XPO5: variants seen among roughly 807,000 people sequenced by gnomAD.
The protein encoded by XPO5 is exportin 5, also known as exportin-5.
Under a neutral mutation model 160.6 loss-of-function variants are expected in XPO5, and 46 were observed. The ratio of observed to expected loss-of-function variants is 0.29; its 90% CI spans 0.23 to 0.37. The LOEUF is 0.37. XPO5 is among the 10% of genes least tolerant of loss of function. The probability of loss-of-function intolerance (pLI) is 1.00; values close to 1 mark genes in which losing one functional copy is unlikely to be tolerated. For synonymous variants in XPO5, 537 were observed against 519.3 expected (o/e 1.03, Z -0.46); for missense variants, 1,090 against 1,463.9 (o/e 0.74, Z 4.17).
At chr6:43,557,096 C>A (rs1489755563) in intron 12 of XPO5, among the ~76,000 whole-genome samples, 10 of 144,432 alleles carry the variant, frequency 6.9e-5, no homozygotes, top group African/African-American at 2.4e-4. Flanking sequence ...TCATTGCACT[C>A]CAGCCTGGGC....
chr6:43,549,324 A>T (rs1400299564), intron 17 of XPO5, among the ~76,000 whole-genome samples, 165 bp downstream of exon 17: 1 of 152,190 alleles, frequency 6.6e-6, no homozygotes, highest in African/African-American at 2.4e-5. Flanking sequence ...TCAGTCTCCC[A>T]AAGTGTTGGG....
chr6:43,549,978 T>G (rs575150463), intron 15 of XPO5, 44 bp from the exon 16 acceptor site: 2 of 1,594,380 alleles, frequency 1.3e-6, no homozygotes, highest in Non-Finnish European at 1.7e-6. Flanking sequence ...TTATTTGTTT[T>G]AGAGATGAGA....
At position 43,527,256 on chromosome 6, in the gene XPO5, C is replaced by T. The variant is rs188252559; in HGVS notation, c.2920+378G>A. 147 of 203,514 alleles carry T rather than the reference C, an allele frequency of 7.2e-4. 1 individual carries two copies. Among genetic ancestry groups the T allele is most frequent in the Non-Finnish European group, 1.3e-3 (128 of 98,892 alleles). 12.6% of individuals were successfully genotyped at this position (203,514 alleles called of 1,614,324 possible). On this transcript the variant is annotated intron_variant, in intron 26 of 31. Transcript: ENST00000265351. ...TTCTATCTAGTTATTTCTTTTGGATCTGTCAGTGTTGCTACAAACATGAAC... is the reference window on the plus strand; with the variant it reads ...TTCTATCTAGTTATTTCTTTTGGATTTGTCAGTGTTGCTACAAACATGAAC...
chr6:43,572,889 C>G (rs1412276686), intron 2 of XPO5, among the ~76,000 whole-genome samples: 1 of 152,206 alleles, frequency 6.6e-6, no homozygotes, highest in Admixed American at 6.5e-5. Flanking sequence ...TCTAGGTCAA[C>G]TGCAACAATG....
At chr6:43,551,162 GTGA>G in intron 15 of XPO5, 133 bp downstream of exon 15, 1 of 869,790 alleles carries the variant, frequency 1.1e-6, no homozygotes, top group Non-Finnish European at 1.6e-6. Flanking sequence ...AGGGTGAGGT[GTGA>G]GGATCCCTTG....
At chr6:43,524,669 G>A (rs1561861676) in intron 30 of XPO5, 34 bp from the exon 31 acceptor site, 1 of 1,604,272 alleles carries the variant, frequency 6.2e-7, no homozygotes, top group Admixed American at 1.7e-5. Context: ...ACTGGATGTA[G>A]GTTTGGATAT....
At chr6:43,543,170 A>G (rs1196068569) in intron 20 of XPO5, among the ~76,000 whole-genome samples, 1 of 152,208 alleles carries the variant, frequency 6.6e-6, no homozygotes, top group Admixed American at 6.5e-5. Context: ...AAAATGTTAA[A>G]AGTCAGAATA....
intron 1 of XPO5, among the ~76,000 whole-genome samples, chr6:43,574,166 G>A (rs1393397778): frequency 2.0e-5 from 3 of 151,934 alleles, no homozygotes; most frequent in African/African-American, 7.2e-5. Context: ...CGGGCATGGT[G>A]GCAGGTGCCT....
chr6:43,566,046 C>A (rs1762679444), intron 7 of XPO5, among the ~76,000 whole-genome samples: 1 of 152,142 alleles, frequency 6.6e-6, no homozygotes, highest in African/African-American at 2.4e-5. Context: ...CAACTGAGAT[C>A]AGGAGTTCGA....
At position 43,522,504 on chromosome 6, in the gene XPO5, G is replaced by C. The variant is rs1793250853; in HGVS notation, c.*1364C>G. 4.5e-6 allele frequency: 1 copy of C among 222,126 alleles called. No individual in the cohort carries two copies. The highest frequency in any genetic ancestry group is 5.5e-5 in the Admixed American group (1 of 18,326). 13.8% of individuals were successfully genotyped at this position (222,126 alleles called of 1,614,324 possible). A position where few individuals can be genotyped will look rare whatever the true frequency, so the allele number is the denominator to read the frequency against. On this transcript the variant is annotated 3_prime_UTR_variant, in exon 32 of 32. Transcript: ENST00000265351. ...ATCCTCCACAGCCCCAACCAGACAGGAATAGGCAGCTATCAGGTTTGGAGG... is the reference window on the plus strand; with the variant it reads ...ATCCTCCACAGCCCCAACCAGACAGCAATAGGCAGCTATCAGGTTTGGAGG...
chr6:43,555,972 G>A lies in XPO5; in HGVS notation c.1313-8C>T. 1 of 1,613,120 alleles carries A rather than the reference G, an allele frequency of 6.2e-7. No individual in the cohort carries two copies. Among genetic ancestry groups the A allele is most frequent in the Non-Finnish European group, 8.5e-7 (1 of 1,179,580 alleles). On this transcript the variant is annotated splice_polypyrimidine_tract_variant and splice_region_variant and intron_variant, in intron 12 of 31. Transcript: ENST00000265351. ...CTTGTTGTGCTCGGGAGGCTGCCAA[G>A]AGAAAATGCCAAGGGAAGGACAGGA...
chr6:43,530,713 A>T lies in XPO5; in HGVS notation c.2652T>A (p.Pro884=). 1.2e-6 allele frequency: 2 copies of T among 1,614,008 alleles called. No individual in the cohort carries two copies. Among genetic ancestry groups the T allele is most frequent in the Non-Finnish European group, 1.7e-6 (2 of 1,179,886 alleles). Residue 884 remains proline, a synonymous_variant, in exon 23 of 32, where the codon CCT becomes CCA. Coordinates refer to ENST00000265351, the MANE Select transcript of XPO5 (RefSeq NM_020750.3). ...SSAFVNLNNI[P]DYRLRPMLRV... is the part of the protein sequence containing the mutation. ...GAAGCATGGGTCTGAGTCGGTAGTC[A>T]GGAATATTGTTCAAGTTGACAAAGG...
chr6:43,574,328 A>G (rs767541150), intron 1 of XPO5, among the ~76,000 whole-genome samples: 29 of 152,102 alleles, frequency 1.9e-4, no homozygotes, highest in East Asian at 1.9e-4. Context: ...CCTAAGCTAT[A>G]TGTTTAAAGT....
rs1762343962 is a variant in XPO5, at chr6:43,560,170, T to C, written c.1221+8A>G. On this transcript the variant is annotated splice_region_variant and intron_variant, in intron 11 of 31. Transcript: ENST00000265351. ...TACATTCCACATGTTTAGATTCCCA[T>C]TATATACCTTGACCAAGTTAGTCAT... is the stretch of plus-strand genomic sequence containing the variant. 1 of 1,612,028 alleles carries C rather than the reference T, an allele frequency of 6.2e-7. No individual in the cohort carries two copies. The highest frequency in any genetic ancestry group is 1.1e-5 in the South Asian group (1 of 90,728).
At chr6:43,544,118 T>C (rs552181026) in intron 20 of XPO5, 2 of 152,934 alleles carry the variant, frequency 1.3e-5, no homozygotes, top group African/African-American at 4.8e-5. Flanking sequence ...ACTGAACTCT[T>C]AGAAAAGTAT....
Position 43,576,025 on chromosome 6 carries a change from C to T in XPO5, c.-161G>A, listed in dbSNP as rs1763309696. On this transcript the variant is annotated 5_prime_UTR_variant, in exon 1 of 32. Transcript: ENST00000265351. ...AGCAGCAACTCGCGCTGGGAAGAAG[C>T]CGGCGCTGCGCACGCGCCCGGCCCG... 3.3e-6 allele frequency: 2 copies of T among 602,786 alleles called. No individual in the cohort carries two copies. The highest frequency in any genetic ancestry group is 4.3e-5 in the South Asian group (2 of 46,682). 37.3% of individuals were successfully genotyped at this position (602,786 alleles called of 1,614,324 possible).
intron 1 of XPO5, among the ~76,000 whole-genome samples, chr6:43,575,005 CGTT>C (rs1763224803): frequency 6.6e-6 from 1 of 152,126 alleles, no homozygotes; most frequent in African/African-American, 2.4e-5. Context: ...AGCCCACACA[CGTT>C]GTTTTATGGG....
chr6:43,532,281 A>C (rs1356331278), intron 21 of XPO5, among the ~76,000 whole-genome samples: 1 of 152,246 alleles, frequency 6.6e-6, no homozygotes, highest in African/African-American at 2.4e-5. Context: ...TCTAGGCTGA[A>C]ACAGACAGAC....
chr6:43,539,664 G>A, intron 20 of XPO5: 1 of 1,085,134 alleles, frequency 9.2e-7, no homozygotes, highest in Non-Finnish European at 1.3e-6. Context: ...GGGCCACCAG[G>A]GCCTCCAGGC....
Sources: gnomAD v4.1 joint callset for allele counts (sites outside exome capture counted in the v4.1 genomes callset) on GRCh38, gnomAD v4.1.1 for gene constraint, MANE v1.5 for transcripts, NCBI Gene and HGNC (gene_info 2026-07-23, HGNC 2026-07-21) for gene names.